The following TBX1 variants were observed in gnomAD, a reference collection of about 807,000 sequenced individuals.
TBX1 encodes the protein T-box transcription factor 1, also known as T-box transcription factor TBX1.
Under a neutral mutation model 40.8 loss-of-function variants are expected in TBX1, and 16 were observed. The observed-to-expected ratio is 0.39, with a 90% CI of 0.27 to 0.60. TBX1 has a LOEUF of 0.60. TBX1 is among the 20% of genes least tolerant of loss of function. TBX1 has a pLI of 0.51. For synonymous variants in TBX1, 403 were observed against 336.8 expected, an observed-to-expected ratio of 1.20 and a Z score of -2.15; for missense variants, 755 against 728.5, an observed-to-expected ratio of 1.04 and a Z score of -0.42.
chr22:19,759,667 G>T, upstream of TBX1: 1 of 1,612,518 alleles, frequency 6.2e-7, no homozygotes, highest in Non-Finnish European at 8.5e-7. Flanking sequence ...CCGTCACCAG[G>T]GACATGGAAG....
rs559194558 is a variant in TBX1 at position 19,778,468 on chromosome 22, C to T, written c.1010-752C>T. Reference sequence around the variant, plus strand: ...TTTTTTTTTGAGACGGAGTTTCGTTCTGGTTGCCCAGGCTGGAGTGCAATG... The same window carrying T: ...TTTTTTTTTGAGACGGAGTTTCGTTTTGGTTGCCCAGGCTGGAGTGCAATG... On this transcript the variant is annotated intron_variant, in intron 8 of 8. Coordinates refer to the TBX1 transcript ENST00000329705. 7.6e-5 allele frequency among the ~76,000 whole-genome samples: 11 copies of T among 144,506 alleles called. No homozygotes were observed. In the South Asian group the frequency reaches 2.4e-3, roughly 32 times the overall value. 94.8% of individuals were successfully genotyped at this position (144,506 alleles called of 152,430 possible). A position where few individuals can be genotyped will look rare whatever the true frequency, so the allele number is the denominator to read the frequency against.
chr22:19,762,398 CAAGT>C (rs1936698812), intron 1 of TBX1, among the ~76,000 whole-genome samples: 1 of 152,204 alleles, frequency 6.6e-6, no homozygotes, highest in Non-Finnish European at 1.5e-5. Flanking sequence ...GAGGGGACGG[CAAGT>C]GAGGGCCAAT....
intron 8 of TBX1, among the ~76,000 whole-genome samples, chr22:19,776,651 T>G (rs1158575296): frequency 6.6e-6 from 1 of 152,128 alleles, no homozygotes; most frequent in Non-Finnish European, 1.5e-5. Flanking sequence ...ATGTGATCAG[T>G]CTGGGTGGGC....
upstream of TBX1, among the ~76,000 whole-genome samples, chr22:19,758,928 C>A (rs181490571): frequency 1.9e-3 from 287 of 152,272 alleles, 3 homozygotes; most frequent in African/African-American, 6.3e-3. Context: ...GAGGACGCTG[C>A]GGCCCTGGGG....
downstream of TBX1, among the ~76,000 whole-genome samples, chr22:19,768,953 C>CTTGTTTTTTTTTTT (rs1936939445): frequency 1.5e-5 from 1 of 66,108 alleles, no homozygotes; most frequent in Non-Finnish European, 3.0e-5. Flanking sequence ...TGTTCGCATT[C>CTTGTTTTTTTTTTT]TTTTTTTTTT....
intron 8 of TBX1, among the ~76,000 whole-genome samples, chr22:19,773,098 C>T (rs1402725750): frequency 6.6e-6 from 1 of 152,238 alleles, no homozygotes; most frequent in Non-Finnish European, 1.5e-5. Flanking sequence ...AGCTTACGAG[C>T]ACGGGCGTTG....
chr22:19,769,047 G>A (rs1029520271), downstream of TBX1, among the ~76,000 whole-genome samples: 3 of 142,420 alleles, frequency 2.1e-5, no homozygotes, highest in East Asian at 4.3e-4. Flanking sequence ...TGCAACCTCC[G>A]CCTCCTGGGT....
intron 4 of TBX1, 129 bp from the exon 5 acceptor site, chr22:19,765,629 G>C (rs1022877153): frequency 2.0e-6 from 2 of 1,011,790 alleles, no homozygotes; most frequent in Non-Finnish European, 2.9e-6. Context: ...GGCAGACGTG[G>C]ACTGGTTCTT....
chr22:19,782,882 A>G (rs757676958), downstream of TBX1: 6 of 1,614,036 alleles, frequency 3.7e-6, no homozygotes, highest in African/African-American at 6.7e-5. Context: ...CACCCAGTGT[A>G]GGGATCTGTT....
chr22:19,766,151 TCGCCCGCCCGGCCCGACGGCTGCGCCC>T, intron 6 of TBX1, 149 bp downstream of exon 6: 1 of 764,714 alleles, frequency 1.3e-6, no homozygotes, highest in Non-Finnish European at 1.6e-6. Context: ...AAGCGCGCAC[TCGCCCGCCCGGCCCGACGGCTGCGCCC>T]CGCCCGCCGC....
intron 1 of TBX1, 93 bp downstream of exon 1, chr22:19,761,373 C>T: frequency 7.5e-7 from 1 of 1,326,790 alleles, no homozygotes; most frequent in South Asian, 1.9e-5. Context: ...GGGCCGAAAG[C>T]CGGGTCGGGG....
At chr22:19,765,231 G>A in intron 4 of TBX1, 118 bp downstream of exon 4, 1 of 1,494,070 alleles carries the variant, frequency 6.7e-7, no homozygotes, top group Non-Finnish European at 9.2e-7. Flanking sequence ...TGGTCCCAGT[G>A]GAGCCCAACC....
chr22:19,779,641 ACTC>A, downstream of TBX1: 2 of 1,015,102 alleles, frequency 2.0e-6, no homozygotes, highest in Non-Finnish European at 2.7e-6. Context: ...TTGACTGTAA[ACTC>A]ATTATAAACA....
At chr22:19,768,019 C>G (rs1262001242), downstream of TBX1, among the ~76,000 whole-genome samples, 4 of 152,274 alleles carry the variant, frequency 2.6e-5, no homozygotes, top group Non-Finnish European at 5.9e-5. Context: ...GGCCAGGTGG[C>G]TAAGGGACCT....
downstream of TBX1, among the ~76,000 whole-genome samples, chr22:19,780,818 C>T (rs1170793876): frequency 6.0e-4 from 83 of 138,782 alleles, no homozygotes; most frequent in African/African-American, 2.1e-3. Context: ...AGTCTCGCTC[C>T]GTCGCCCAGG....
At chr22:19,760,555 C>T (rs1211699252), upstream of TBX1, among the ~76,000 whole-genome samples, 1 of 137,628 alleles carries the variant, frequency 7.3e-6, no homozygotes, top group Non-Finnish European at 1.6e-5. Context: ...TGAGCCGGTC[C>T]GGGCGGTCGG....
upstream of TBX1, among the ~76,000 whole-genome samples, chr22:19,760,681 G>A (rs1260593115): frequency 1.6e-5 from 2 of 127,816 alleles, 1 homozygote; most frequent in African/African-American, 5.7e-5. Context: ...GCGCGGGGGT[G>A]GGGGGGCCCC....
At chr22:19,776,289 A>G (rs1937064091) in intron 8 of TBX1, among the ~76,000 whole-genome samples, 1 of 151,992 alleles carries the variant, frequency 6.6e-6, no homozygotes. Context: ...TTTCCTTAGG[A>G]TCCTAGCTCC....
chr22:19,772,737 G>T (rs987602328), intron 8 of TBX1, among the ~76,000 whole-genome samples: 1 of 152,170 alleles, frequency 6.6e-6, no homozygotes, highest in South Asian at 2.1e-4. Flanking sequence ...ACAGAACGAA[G>T]ATGGTGACAG....
Sources: allele counts gnomAD v4.1 joint callset (sites outside exome capture counted in the v4.1 genomes callset), GRCh38; gene constraint gnomAD v4.1.1; transcripts MANE v1.5; gene names NCBI Gene and HGNC (gene_info 2026-07-23, HGNC 2026-07-21).